Variants in ESYT2 observed in about 807,000 individuals in gnomAD.
ESYT2 encodes the protein extended synaptotagmin-2.
In ESYT2, 54 loss-of-function variants were observed where a neutral mutation model predicts 107.2. The observed-to-expected ratio is 0.50, with a 90% CI of 0.40 to 0.63. The LOEUF (loss-of-function observed/expected upper bound fraction) is 0.63. Among genes scored for constraint, ESYT2 ranks in the 30% least tolerant of loss-of-function variants. The pLI, the probability that ESYT2 is intolerant of heterozygous loss-of-function variation, is 0.00. For synonymous variants in ESYT2, 491 were observed against 434.1 expected (o/e 1.13, Z -1.63); for missense variants, 1,020 against 1,094.5 (o/e 0.93, Z 0.96).
chr7:158,760,892 C>G (rs1220936398), intron 11 of ESYT2, among the ~76,000 whole-genome samples: 1 of 152,236 alleles, frequency 6.6e-6, no homozygotes, highest in East Asian at 1.9e-4. Context: ...ATGCTGAACA[C>G]TCAAGGGAAG....
chr7:158,787,657 A>G (rs1363949719), intron 6 of ESYT2, among the ~76,000 whole-genome samples: 1 of 152,230 alleles, frequency 6.6e-6, no homozygotes, highest in Non-Finnish European at 1.5e-5. Context: ...AAGAGAAAAC[A>G]ATGTTAACAT....
chr7:158,783,326 C>T (rs1292054750), intron 6 of ESYT2, among the ~76,000 whole-genome samples: 1 of 152,122 alleles, frequency 6.6e-6, no homozygotes, highest in Admixed American at 6.5e-5. Flanking sequence ...GTTTACAATT[C>T]CAGGGCAGCT....
At position 158,826,754 on chromosome 7, in the gene ESYT2, G is replaced by A. The variant is rs141542813; in HGVS notation, c.330+2335C>T. Among the ~76,000 whole-genome samples the A allele has an allele frequency of 5.3e-3, 791 of 149,344 alleles. 16 individuals are homozygous for A. The highest frequency in any genetic ancestry group is 0.018 in the African/African-American group (722 of 40,374). On this transcript the variant is annotated intron_variant, in intron 1 of 22. Coordinates refer to ENST00000275418, the MANE Select transcript of ESYT2 (RefSeq NM_001367773.1). ...GAGAATGGCTTGAACCCGGGAGGCG[G>A]AGGTTGCAGTGAGTTGAGATGGTGC...
intron 1 of ESYT2, among the ~76,000 whole-genome samples, chr7:158,817,283 C>A (rs978082847): frequency 6.6e-6 from 1 of 152,226 alleles, no homozygotes; most frequent in Non-Finnish European, 1.5e-5. Context: ...GAAACATTAA[C>A]CATCTATTCT....
rs753084771 is a variant in ESYT2 at position 158,799,086 on chromosome 7, A to G, written c.331-14T>C. ...TGGAAAATGAACCTAGGAGGAAAAT[A>G]CACACATATGACTTATTAACTCCCA... On this transcript the variant is annotated splice_polypyrimidine_tract_variant and intron_variant, in intron 1 of 22. Coordinates refer to ENST00000275418, the MANE Select transcript of ESYT2 (RefSeq NM_001367773.1). The G allele has an allele frequency of 6.2e-7, 1 of 1,612,214 alleles. No individual in the cohort carries two copies. Among genetic ancestry groups the G allele is most frequent in the Non-Finnish European group, 8.5e-7 (1 of 1,178,548 alleles).
At chr7:158,806,722 C>T (rs545022524) in intron 1 of ESYT2, among the ~76,000 whole-genome samples, 2 of 152,166 alleles carry the variant, frequency 1.3e-5, no homozygotes, top group East Asian at 1.9e-4. Flanking sequence ...ATTTCATAAT[C>T]GTGATTTAAG....
intron 6 of ESYT2, among the ~76,000 whole-genome samples, chr7:158,776,840 TC>T (rs1261672731): frequency 1.3e-5 from 2 of 151,954 alleles, no homozygotes; most frequent in African/African-American, 2.4e-5. Context: ...CTAAGCTTAA[TC>T]ATTTCTAGCT....
Position 158,829,090 on chromosome 7 carries a change from C to A in ESYT2, c.329G>T (p.Trp110Leu). 6.3e-7 allele frequency: 1 copy of A among 1,583,828 alleles called. No homozygotes were observed. Residue 110 changes from tryptophan to leucine, a missense_variant and splice_region_variant, in exon 1 of 23, where the codon TGG becomes TTG. Transcript: ENST00000275418. Reference sequence around the variant, plus strand: ...GGACGGGCAGGGGTCTGCACTCACCCAGGCGGGCAGGTCGCAGGCGCGCAC... The same window carrying A: ...GGACGGGCAGGGGTCTGCACTCACCAAGGCGGGCAGGTCGCAGGCGCGCAC... ...LGVRACDLPA[W>L]VHFPDTERAE...
At chr7:158,802,839 A>G (rs1005000469) in intron 1 of ESYT2, among the ~76,000 whole-genome samples, 4 of 152,264 alleles carry the variant, frequency 2.6e-5, no homozygotes, top group Non-Finnish European at 5.9e-5. Context: ...AAATGGATAA[A>G]ATGATTCTTT....
At chr7:158,802,086 A>C (rs866913767) in intron 1 of ESYT2, among the ~76,000 whole-genome samples, 1 of 152,230 alleles carries the variant, frequency 6.6e-6, no homozygotes, top group African/African-American at 2.4e-5. Flanking sequence ...TGGAATTGAC[A>C]TAACTGGTCA....
chr7:158,736,748 GTGT>G (rs1278196551), intron 20 of ESYT2, among the ~76,000 whole-genome samples: 2 of 152,128 alleles, frequency 1.3e-5, no homozygotes, highest in Non-Finnish European at 2.9e-5. Flanking sequence ...ACATAGTTAA[GTGT>G]CAACAGATAT....
chr7:158,800,729 C>CTTTTT (rs749928921), intron 1 of ESYT2, among the ~76,000 whole-genome samples: 3 of 118,584 alleles, frequency 2.5e-5, no homozygotes, highest in South Asian at 2.5e-4. Flanking sequence ...TTTTTCTTTT[C>CTTTTT]TTTTCTTTTT....
intron 6 of ESYT2, among the ~76,000 whole-genome samples, chr7:158,782,067 TGTG>T (rs72206284): frequency 0.11 from 16,755 of 147,788 alleles, 1,379 homozygotes; most frequent in East Asian, 0.44. Context: ...ACGTGTGAAG[TGTG>T]GTGTATGTAA....
Position 158,737,086 on chromosome 7 carries a change from G to A in ESYT2, c.2361C>T (p.His787=), listed in dbSNP as rs765653857. Residue 787 remains histidine (H), a synonymous_variant, in exon 20 of 23, where the codon CAC becomes CAT. Coordinates refer to ENST00000275418, the MANE Select transcript of ESYT2 (RefSeq NM_001367773.1). ...CTGGATTTAATGTTTTCTTTGACAC[G>A]TGTGTTTTCCTCCTTCCTGACCGCC... is the stretch of plus-strand genomic sequence containing the variant. The part of the protein sequence containing the change: ...DKRRSGRRKT[H]VSKKTLNPVF... 6.2e-6 allele frequency: 10 copies of A among 1,613,670 alleles called. No homozygotes were observed. The highest frequency in any genetic ancestry group is 3.3e-5 in the Admixed American group (2 of 59,982).
intron 3 of ESYT2, 136 bp from the exon 4 acceptor site, chr7:158,793,862 A>C (rs1839380879): frequency 1.4e-6 from 1 of 708,928 alleles, no homozygotes; most frequent in Non-Finnish European, 2.3e-6. Flanking sequence ...CCTTCATAAC[A>C]GAGTGTGGCT....
In ESYT2 at chr7:158,734,107, C is replaced by A; in HGVS notation, c.*100G>T. The A allele has an allele frequency of 7.1e-7, 1 of 1,402,234 alleles. No individual in the cohort carries two copies. Among genetic ancestry groups the A allele is most frequent in the Non-Finnish European group, 9.9e-7 (1 of 1,007,706 alleles). The allele number at this position is 1,402,234 out of a possible 1,614,324, so 86.9% of individuals were successfully genotyped here. On this transcript the variant is annotated 3_prime_UTR_variant, in exon 23 of 23. Coordinates refer to ENST00000275418, the MANE Select transcript of ESYT2 (RefSeq NM_001367773.1). ...ACTATTAAGGTATGTATAACTAAAT[C>A]CATGAAATTATAAAAATAACATTGG...
At chr7:158,824,758 T>C (rs1202442399) in intron 1 of ESYT2, among the ~76,000 whole-genome samples, 2 of 152,238 alleles carry the variant, frequency 1.3e-5, no homozygotes, top group Admixed American at 6.5e-5. Flanking sequence ...AAAAGCAGGA[T>C]AGAGTCAGAC....
At chr7:158,768,364 T>C (rs1415899389) in intron 7 of ESYT2, among the ~76,000 whole-genome samples, 1 of 152,234 alleles carries the variant, frequency 6.6e-6, no homozygotes, top group Non-Finnish European at 1.5e-5. Context: ...TGAAATACTA[T>C]ACATCACTGC....
chr7:158,790,042 G>A (rs868429119), intron 4 of ESYT2, among the ~76,000 whole-genome samples: 2 of 116,232 alleles, frequency 1.7e-5, no homozygotes, highest in South Asian at 6.2e-4. Flanking sequence ...TCCTCCTGGG[G>A]GCGGAGCGTC....
Sources: gnomAD v4.1 joint callset for allele counts (sites outside exome capture counted in the v4.1 genomes callset) on GRCh38, gnomAD v4.1.1 for gene constraint, MANE v1.5 for transcripts, NCBI Gene and HGNC (gene_info 2026-07-23, HGNC 2026-07-21) for gene names.